PCNT: variants seen among roughly 807,000 people sequenced by gnomAD.
PCNT encodes kendrin.
Under a neutral mutation model 380.4 loss-of-function variants are expected in PCNT, and 319 were observed. The ratio of observed to expected loss-of-function variants is 0.84; its 90% CI spans 0.77 to 0.92. The LOEUF is 0.92. Among genes scored for constraint, PCNT ranks in the 40% least tolerant of loss-of-function variants. PCNT has a pLI of 0.00. For missense variants in PCNT, 4,400 were observed against 4,255.3 expected (o/e 1.03, Z -0.95); for synonymous variants, 1,845 against 1,735.2 (o/e 1.06, Z -1.57).
Position 46,444,729 on chromosome 21 carries a change from C to T in PCNT, c.9875C>T (p.Ser3292Phe). 1 of 1,612,588 alleles carries T rather than the reference C, an allele frequency of 6.2e-7. No individual in the cohort carries two copies. The highest frequency in any genetic ancestry group is 8.5e-7 in the Non-Finnish European group (1 of 1,179,182). Reference sequence around the variant, plus strand: ...TCCCCAAATTCAAGATTAGAAAGATCCCTGACTGCTTCTCAAGATCCAGAA... The same window carrying T: ...TCCCCAAATTCAAGATTAGAAAGATTCCTGACTGCTTCTCAAGATCCAGAA... ...TPSPNSRLERSLTASQDPEHS... is the reference protein window; with the variant it reads ...TPSPNSRLERFLTASQDPEHS... The change falls in exon 46 of 47, where the codon TCC becomes TTC. Residue 3292 changes from serine to phenylalanine, a missense_variant. Coordinates refer to ENST00000359568, the MANE Select transcript of PCNT (RefSeq NM_006031.6).
intron 13 of PCNT, among the ~76,000 whole-genome samples, chr21:46,360,157 T>C (rs1569196928): frequency 6.6e-6 from 1 of 150,874 alleles, no homozygotes; most frequent in Non-Finnish European, 1.5e-5. Context: ...GCACCTGGCC[T>C]ACTTTTAATC....
At chr21:46,440,299 T>C (rs2053572788) in intron 42 of PCNT, 97 bp downstream of exon 42, 1 of 1,323,298 alleles carries the variant, frequency 7.6e-7, no homozygotes. Context: ...AAGGTTCTCG[T>C]CTGCCGGGTG....
intron 12 of PCNT, among the ~76,000 whole-genome samples, chr21:46,356,676 C>G (rs2084490717): frequency 6.6e-6 from 1 of 152,244 alleles, no homozygotes; most frequent in Non-Finnish European, 1.5e-5. Context: ...TGGAGGGTCA[C>G]ATGTCACACC....
chr21:46,443,399 T>C (rs2053663022), intron 44 of PCNT, among the ~76,000 whole-genome samples: 1 of 152,198 alleles, frequency 6.6e-6, no homozygotes. Flanking sequence ...CAGTGTTGAC[T>C]CCACATTTTA....
At chr21:46,384,756 G>A (rs979112714) in intron 16 of PCNT, among the ~76,000 whole-genome samples, 12 of 140,608 alleles carry the variant, frequency 8.5e-5, no homozygotes, top group African/African-American at 2.1e-4. Context: ...CGGCGGAAGC[G>A]CATTCACGGT....
At position 46,366,584 on chromosome 21, in the gene PCNT, G is replaced by A. The variant is rs765804973; in HGVS notation, c.2610G>A (p.Arg870=). 1 of 1,613,768 alleles carries A rather than the reference G, an allele frequency of 6.2e-7. No individual in the cohort carries two copies. The highest frequency in any genetic ancestry group is 1.1e-5 in the South Asian group (1 of 91,068). The part of the protein sequence containing the change: ...CALQLMLARS[R]FLEERKEITE... ...TCCTGTGTTCACTTTGTTGCCGCAG[G>A]TTTTTAGAGGAACGTAAAGAGATCA... The change falls in exon 15 of 47, where the codon AGG becomes AGA. Residue 870 remains arginine, a splice_region_variant and synonymous_variant. Coordinates refer to ENST00000359568, the MANE Select transcript of PCNT (RefSeq NM_006031.6).
chr21:46,428,358 C>T (rs753243119), intron 34 of PCNT, 37 bp from the exon 35 acceptor site: 4 of 1,593,758 alleles, frequency 2.5e-6, no homozygotes, highest in Non-Finnish European at 3.4e-6. Flanking sequence ...GGGGTGGCTG[C>T]CCAATGCTCA....
chr21:46,374,899 C>A (rs2839233), intron 15 of PCNT, among the ~76,000 whole-genome samples: 1 of 149,350 alleles, frequency 6.7e-6, no homozygotes, highest in African/African-American at 2.5e-5. Flanking sequence ...CAAGCCCTGA[C>A]GGGAGTGTTT....
Position 46,326,291 on chromosome 21 carries a change from G to T in PCNT, c.55-86G>T, listed in dbSNP as rs559940926. On this transcript the variant is annotated intron_variant, in intron 1 of 46. Transcript: ENST00000359568. ...ACTGGGTCAGCCCTCGGGCCTCATG[G>T]TCCCCACCAGTCTGTTGACTTTGTG... The T allele has an allele frequency of 9.1e-6, 12 of 1,320,842 alleles. No individual in the cohort carries two copies. The South Asian group carries it at 1.4e-4, about 15-fold the overall frequency. 81.8% of individuals were successfully genotyped at this position (1,320,842 alleles called of 1,614,324 possible).
intron 11 of PCNT, 36 bp downstream of exon 11, chr21:46,354,104 G>A (rs1392582596): frequency 1.3e-6 from 2 of 1,569,766 alleles, no homozygotes; most frequent in South Asian, 1.1e-5. Flanking sequence ...GGGGAGTCCT[G>A]TGCTCTTGAC....
chr21:46,415,672 T>C (rs1349496124), intron 29 of PCNT, among the ~76,000 whole-genome samples: 1 of 152,152 alleles, frequency 6.6e-6, no homozygotes, highest in Non-Finnish European at 1.5e-5. Context: ...CGTGAGCCAC[T>C]GCACCCGGCC....
chr21:46,335,696 T>G (rs901437701), intron 3 of PCNT, among the ~76,000 whole-genome samples: 2 of 147,612 alleles, frequency 1.4e-5, no homozygotes, highest in Admixed American at 6.7e-5. Context: ...GGGGTTTTTT[T>G]TTTTTTTTTA....
chr21:46,374,713 G>A (rs1457735050), intron 15 of PCNT, among the ~76,000 whole-genome samples: 1 of 152,252 alleles, frequency 6.6e-6, no homozygotes, highest in Non-Finnish European at 1.5e-5. Context: ...GCCAGCCATG[G>A]TGGCACATAC....
At chr21:46,330,497 C>T (rs936957184) in intron 2 of PCNT, among the ~76,000 whole-genome samples, 2 of 152,146 alleles carry the variant, frequency 1.3e-5, no homozygotes, top group Admixed American at 1.3e-4. Flanking sequence ...CTGCTGTACA[C>T]TAAGTTAGGA....
chr21:46,381,637 G>T, intron 15 of PCNT, 57 bp from the exon 16 acceptor site: 1 of 1,532,252 alleles, frequency 6.5e-7, no homozygotes, highest in Admixed American at 1.7e-5. Flanking sequence ...CCGGCTAACA[G>T]CAAAGAAAGT....
intron 39 of PCNT, 97 bp from the exon 40 acceptor site, chr21:46,436,882 C>G (rs559719401): frequency 1.1e-6 from 1 of 912,142 alleles, no homozygotes; most frequent in Non-Finnish European, 1.8e-6. Context: ...CCTCAGAAAC[C>G]TGTCTTGTCT....
intron 3 of PCNT, among the ~76,000 whole-genome samples, chr21:46,340,163 T>C (rs1216648600): frequency 1.3e-5 from 2 of 152,088 alleles, no homozygotes; most frequent in African/African-American, 4.8e-5. Flanking sequence ...AGAGAGAACT[T>C]GTGCAGAGGA....
At chr21:46,433,736 G>A (rs1238634087) in intron 38 of PCNT, among the ~76,000 whole-genome samples, 1 of 152,142 alleles carries the variant, frequency 6.6e-6, no homozygotes, top group Non-Finnish European at 1.5e-5. Flanking sequence ...ATCTTGACCT[G>A]TATTTTGAGT....
Position 46,397,510 on chromosome 21 carries a change from A to G in PCNT, c.4446+16A>G, listed in dbSNP as rs2086248118. On this transcript the variant is annotated intron_variant, in intron 22 of 46. Coordinates refer to ENST00000359568, the MANE Select transcript of PCNT (RefSeq NM_006031.6). ...ATTCATGGATGTAAGAATTCTGAATAATACATTTTTTTGCATCACTAAAAG... is the reference window on the plus strand; with the variant it reads ...ATTCATGGATGTAAGAATTCTGAATGATACATTTTTTTGCATCACTAAAAG... 1 of 1,602,120 alleles carries G rather than the reference A, an allele frequency of 6.2e-7. No individual in the cohort carries two copies. Among genetic ancestry groups the G allele is most frequent in the African/African-American group, 1.3e-5 (1 of 74,710 alleles).
Sources: allele counts gnomAD v4.1 joint callset (sites outside exome capture counted in the v4.1 genomes callset), GRCh38; gene constraint gnomAD v4.1.1; transcripts MANE v1.5; gene names NCBI Gene and HGNC (gene_info 2026-07-23, HGNC 2026-07-21).